The following HEPHL1 variants were observed in gnomAD, a reference collection of about 807,000 sequenced individuals.
HEPHL1 encodes the protein hephaestin like 1, also known as ferroxidase HEPHL1.
HEPHL1 carries 123 observed loss-of-function variants against 122.0 expected under a neutral mutation model. That is an observed-to-expected ratio of 1.01 (90% CI 0.87 to 1.17). The LOEUF is 1.17. HEPHL1 is among the 50% of genes most tolerant of loss of function. The pLI, the probability that HEPHL1 is intolerant of heterozygous loss-of-function variation, is 0.00. For synonymous variants in HEPHL1, 527 were observed against 508.9 expected (o/e 1.04, Z -0.48); for missense variants, 1,452 against 1,430.5 (o/e 1.01, Z -0.24).
At chr11:94,037,550 G>T (rs932724123) in intron 1 of HEPHL1, among the ~76,000 whole-genome samples, 20 of 152,142 alleles carry the variant, frequency 1.3e-4, no homozygotes, top group African/African-American at 4.8e-4. Context: ...TCCTCAAGTG[G>T]GTCCCTGACC....
chr11:94,075,112 A>T, intron 8 of HEPHL1, 62 bp from the exon 9 acceptor site: 1 of 1,437,222 alleles, frequency 7.0e-7, no homozygotes, highest in Non-Finnish European at 9.6e-7. Context: ...TGGAAGACCC[A>T]GTCTGACCAA....
chr11:94,062,871 T>C (rs1360035855), intron 2 of HEPHL1, among the ~76,000 whole-genome samples: 2 of 152,208 alleles, frequency 1.3e-5, no homozygotes, highest in Admixed American at 6.6e-5. Flanking sequence ...CCCTGCCCAC[T>C]CTGTGGTGGA....
intron 3 of HEPHL1, 87 bp downstream of exon 3, chr11:94,063,807 A>G: frequency 9.4e-7 from 1 of 1,062,300 alleles, no homozygotes; most frequent in East Asian, 2.4e-5. Context: ...TGCTCCACAC[A>G]GAATGTGCCT....
At chr11:94,105,541 T>C (rs74451960) in intron 16 of HEPHL1, among the ~76,000 whole-genome samples, 8,083 of 151,232 alleles carry the variant, frequency 0.053, 301 homozygotes, top group Non-Finnish European at 0.069. Context: ...TGTGAAGCTC[T>C]CTTTTATTTT....
rs967028080 is a variant in HEPHL1 at position 94,048,865 on chromosome 11, A to G, written c.415+2948A>G. 2.0e-5 allele frequency among the ~76,000 whole-genome samples: 3 copies of G among 152,132 alleles called. 1 individual carries two copies. The highest frequency in any genetic ancestry group is 7.2e-5 in the African/African-American group (3 of 41,404). On this transcript the variant is annotated intron_variant, in intron 2 of 19. Coordinates refer to ENST00000315765, the MANE Select transcript of HEPHL1 (RefSeq NM_001098672.2). ...GCTGGACATGGTGGCTCATGCCTAT[A>G]ATCCCAGCACTTTGGGAGGCCGAGG...
intron 13 of HEPHL1, among the ~76,000 whole-genome samples, chr11:94,098,591 A>G (rs533602961): frequency 7.2e-5 from 11 of 152,290 alleles, no homozygotes; most frequent in African/African-American, 2.6e-4. Context: ...TCTCCTGGAT[A>G]ATATCCTGCA....
Position 94,069,843 on chromosome 11 carries a change from A to G in HEPHL1, c.1064-531A>G, listed in dbSNP as rs997254478. On this transcript the variant is annotated intron_variant, in intron 5 of 19. Coordinates refer to ENST00000315765, the MANE Select transcript of HEPHL1 (RefSeq NM_001098672.2). Reference sequence around the variant, plus strand: ...TAGAATTTCTGGGTCAAAGAGTATGATTTTTTTAAAAAAGCTATGGACATA... The same window carrying G: ...TAGAATTTCTGGGTCAAAGAGTATGGTTTTTTTAAAAAAGCTATGGACATA... Among the ~76,000 whole-genome samples, 35 of 152,114 alleles carry G rather than the reference A, an allele frequency of 2.3e-4. 1 individual carries two copies. Among genetic ancestry groups the G allele is most frequent in the Admixed American group, 1.4e-3 (21 of 15,248 alleles).
intron 6 of HEPHL1, 108 bp downstream of exon 6, chr11:94,070,650 T>A: frequency 1.2e-6 from 1 of 863,308 alleles, no homozygotes; most frequent in Admixed American, 2.8e-5. Flanking sequence ...GAGCTTATAC[T>A]GCATAGATGG....
intron 13 of HEPHL1, among the ~76,000 whole-genome samples, chr11:94,097,588 C>A (rs1946328555): frequency 6.6e-6 from 1 of 152,224 alleles, no homozygotes. Flanking sequence ...CTTTCTGTCT[C>A]ATTGATCTGT....
At chr11:94,063,759 T>C (rs768438567) in intron 3 of HEPHL1, 39 bp downstream of exon 3, 1 of 1,549,794 alleles carries the variant, frequency 6.5e-7, no homozygotes, top group South Asian at 1.1e-5. Flanking sequence ...GGAGTTGAAA[T>C]GTGAATAAGA....
Position 94,062,741 on chromosome 11 carries a change from G to A in HEPHL1, c.416-767G>A, listed in dbSNP as rs75111071. Reference sequence around the variant, plus strand: ...GCTTCTGATAACTATAATGTGCACAGACTGGTCTCTGTCCTTTTAGCCAGG... The same window carrying A: ...GCTTCTGATAACTATAATGTGCACAAACTGGTCTCTGTCCTTTTAGCCAGG... On this transcript the variant is annotated intron_variant, in intron 2 of 19. Coordinates refer to ENST00000315765, the MANE Select transcript of HEPHL1 (RefSeq NM_001098672.2). 8.6e-3 allele frequency among the ~76,000 whole-genome samples: 1,308 copies of A among 151,792 alleles called. 26 individuals are homozygous for A. The highest frequency in any genetic ancestry group is 0.03 in the African/African-American group (1,242 of 41,352).
intron 12 of HEPHL1, among the ~76,000 whole-genome samples, chr11:94,090,675 C>T (rs1413170434): frequency 6.6e-6 from 1 of 152,198 alleles, no homozygotes; most frequent in African/African-American, 2.4e-5. Flanking sequence ...TGGCAGTTCT[C>T]TTAGGGCACA....
intron 2 of HEPHL1, chr11:94,056,000 C>G: frequency 1.2e-6 from 1 of 866,238 alleles, no homozygotes. Context: ...CCTTTCGCAG[C>G]CAGCTTCCAT....
At chr11:94,072,930 G>A (rs907423710) in intron 6 of HEPHL1, 95 bp from the exon 7 acceptor site, 62 of 1,150,016 alleles carry the variant, frequency 5.4e-5, no homozygotes, top group Admixed American at 6.7e-5. Context: ...ATGGGTGGGC[G>A]AGTGGACTAA....
chr11:94,093,698 C>T (rs1946281192), intron 13 of HEPHL1, 58 bp downstream of exon 13: 10 of 1,536,492 alleles, frequency 6.5e-6, no homozygotes, highest in Non-Finnish European at 8.8e-6. Flanking sequence ...TGCACACATA[C>T]TCATGTGTTC....
chr11:94,032,551 G>T (rs1945684659), intron 1 of HEPHL1, among the ~76,000 whole-genome samples: 1 of 152,136 alleles, frequency 6.6e-6, no homozygotes, highest in South Asian at 2.1e-4. Flanking sequence ...TTGTTAGCAG[G>T]TCCCAACAGT....
At position 94,114,051 on chromosome 11, in the gene HEPHL1, C is replaced by T. The variant is rs1946472468; in HGVS notation, c.*2157C>T. On this transcript the variant is annotated 3_prime_UTR_variant, in exon 20 of 20. Transcript: ENST00000315765. ...GTCCCTGCTCCTAGCAGGACAGTCT[C>T]TTCATTTGACTTTGGGTCTCATTGC... Among the ~76,000 whole-genome samples the T allele has an allele frequency of 6.6e-6, 1 of 152,192 alleles. No homozygotes were observed. Among genetic ancestry groups the T allele is most frequent in the Admixed American group, 6.5e-5 (1 of 15,276 alleles).
chr11:94,073,402 C>G lies in HEPHL1; in HGVS notation c.1467C>G (p.Ile489Met), dbSNP rs1007906109. 6.4e-7 allele frequency: 1 copy of G among 1,561,326 alleles called. No homozygotes were observed. The highest frequency in any genetic ancestry group is 1.9e-5 in the Admixed American group (1 of 51,592). ...KVYSILPHGVIYDKASDAAPN... is the reference protein window; with the variant it reads ...KVYSILPHGVMYDKASDAAPN... ...ATAGCATTTTACCCCATGGTGTGAT[C>G]TATGACAAGGCATCTGATGCAGCCC... Residue 489 changes from isoleucine to methionine, a missense_variant, in exon 8 of 20, where the codon ATC becomes ATG. Transcript: ENST00000315765.
intron 1 of HEPHL1, among the ~76,000 whole-genome samples, chr11:94,036,174 T>G (rs1945720733): frequency 6.6e-6 from 1 of 152,208 alleles, no homozygotes; most frequent in Non-Finnish European, 1.5e-5. Context: ...CTTTATATAT[T>G]CTGGTCCAGG....
Sources: allele counts gnomAD v4.1 joint callset (sites outside exome capture counted in the v4.1 genomes callset), GRCh38; gene constraint gnomAD v4.1.1; transcripts MANE v1.5; gene names NCBI Gene and HGNC (gene_info 2026-07-23, HGNC 2026-07-21).